CLPB: variants seen among roughly 807,000 people sequenced by gnomAD.
CLPB encodes ClpB family mitochondrial disaggregase.
In CLPB, 40 loss-of-function variants were observed where a neutral mutation model predicts 78.4. The observed-to-expected ratio is 0.51, with a 90% confidence interval of 0.40 to 0.66. The LOEUF is 0.66. Ranked by LOEUF, CLPB falls within the 30% of genes least tolerant of loss-of-function variation. CLPB has a pLI of 0.00. For missense variants in CLPB, 780 were observed against 886.9 expected, an observed-to-expected ratio of 0.88 and a Z score of 1.53; for synonymous variants, 333 against 348.0, an observed-to-expected ratio of 0.96 and a Z score of 0.48.
intron 6 of CLPB, among the ~76,000 whole-genome samples, chr11:72,320,129 T>TA (rs1555090014): frequency 6.6e-6 from 1 of 152,218 alleles, no homozygotes; most frequent in African/African-American, 2.4e-5. Flanking sequence ...CAGTTTTCCT[T>TA]ACGTGATAGA....
chr11:72,368,920 T>C (rs939601591), intron 4 of CLPB, among the ~76,000 whole-genome samples: 2 of 152,166 alleles, frequency 1.3e-5, no homozygotes, highest in Non-Finnish European at 2.9e-5. Context: ...CTCACCTCAT[T>C]ATCACCCCAT....
chr11:72,366,282 T>G (rs186007512), intron 4 of CLPB, among the ~76,000 whole-genome samples: 23 of 152,320 alleles, frequency 1.5e-4, no homozygotes, highest in Admixed American at 1.5e-3. Context: ...TGGTGTGACC[T>G]TGGCTCACTG....
At chr11:72,363,242 A>C (rs1208871773) in intron 4 of CLPB, 1 of 152,394 alleles carries the variant, frequency 6.6e-6, no homozygotes, top group Admixed American at 6.5e-5. Context: ...CACAGTGAGC[A>C]TAAGAATAGA....
At chr11:72,293,993 C>A (rs776447997) in intron 15 of CLPB, 29 bp downstream of exon 15, 15 of 1,581,016 alleles carry the variant, frequency 9.5e-6, no homozygotes, top group Non-Finnish European at 1.1e-5. Context: ...GGTGTGGAGG[C>A]GCCTCATTTC....
chr11:72,365,159 A>C (rs543965111), intron 4 of CLPB, among the ~76,000 whole-genome samples: 1 of 152,270 alleles, frequency 6.6e-6, no homozygotes, highest in African/African-American at 2.4e-5. Flanking sequence ...GTCTCTACTA[A>C]AAAGTACAGA....
intron 3 of CLPB, among the ~76,000 whole-genome samples, chr11:72,388,250 C>CATT (rs1226580335): frequency 2.7e-4 from 37 of 138,100 alleles, no homozygotes; most frequent in African/African-American, 9.9e-4. Context: ...TTCCCTTCCC[C>CATT]TTTTTTTTTT....
At chr11:72,304,779 A>AT (rs1184129901) in intron 9 of CLPB, among the ~76,000 whole-genome samples, 1 of 152,172 alleles carries the variant, frequency 6.6e-6, no homozygotes, top group Non-Finnish European at 1.5e-5. Context: ...GCCAGTGCTC[A>AT]TTTCATTTCG....
chr11:72,408,125 T>C (rs1350736394), intron 2 of CLPB: 1 of 1,535,358 alleles, frequency 6.5e-7, no homozygotes, highest in Admixed American at 2.0e-5. Flanking sequence ...GGAGGAAATC[T>C]TGGTGTTCTT....
chr11:72,335,811 C>T (rs960821834), intron 5 of CLPB, among the ~76,000 whole-genome samples: 2 of 152,214 alleles, frequency 1.3e-5, no homozygotes, highest in Non-Finnish European at 2.9e-5. Flanking sequence ...CGTATTCTCT[C>T]CAGGTGCCAT....
intron 10 of CLPB, 162 bp from the exon 11 acceptor site, chr11:72,302,126 G>T: frequency 1.0e-6 from 1 of 986,316 alleles, no homozygotes; most frequent in Non-Finnish European, 1.5e-6. Context: ...TCTTCTCTAT[G>T]TTTATTCTTC....
chr11:72,417,239 G>A (rs1310298159), intron 2 of CLPB, among the ~76,000 whole-genome samples: 1 of 152,176 alleles, frequency 6.6e-6, no homozygotes, highest in Non-Finnish European at 1.5e-5. Context: ...TCCATACAGG[G>A]AATATTATTC....
At chr11:72,372,931 C>T (rs1388099196) in intron 4 of CLPB, 14 of 1,613,812 alleles carry the variant, frequency 8.7e-6, no homozygotes, top group South Asian at 1.1e-5. Flanking sequence ...TTACCGCCAG[C>T]GGGGAGTCCT....
intron 4 of CLPB, among the ~76,000 whole-genome samples, chr11:72,363,905 C>G (rs1339383570): frequency 6.6e-6 from 1 of 152,170 alleles, no homozygotes; most frequent in East Asian, 1.9e-4. Context: ...TAGGAAGAAG[C>G]CTCTGGCCTC....
At chr11:72,415,165 A>G (rs111314737) in intron 2 of CLPB, among the ~76,000 whole-genome samples, 15,338 of 152,194 alleles carry the variant, frequency 0.1, 1,347 homozygotes, top group African/African-American at 0.23. Context: ...GCAGTAAGCC[A>G]AGATCGCACC....
At chr11:72,342,395 C>T (rs774665931) in intron 5 of CLPB, among the ~76,000 whole-genome samples, 2 of 152,090 alleles carry the variant, frequency 1.3e-5, no homozygotes, top group Non-Finnish European at 2.9e-5. Flanking sequence ...GGTTTTCTAA[C>T]GGTGGATAAT....
chr11:72,336,221 T>A (rs1028320676), intron 5 of CLPB, among the ~76,000 whole-genome samples: 2 of 152,156 alleles, frequency 1.3e-5, no homozygotes, highest in Non-Finnish European at 2.9e-5. Flanking sequence ...ATAATGTGTA[T>A]AAGAGGGCTT....
intron 6 of CLPB, among the ~76,000 whole-genome samples, chr11:72,321,325 G>A (rs561623252): frequency 1.2e-3 from 179 of 152,316 alleles, no homozygotes; most frequent in African/African-American, 4.1e-3. Flanking sequence ...GAGAGCAGGA[G>A]TCGGGGAGTG....
chr11:72,424,419 A>G (rs1234731929), intron 2 of CLPB, among the ~76,000 whole-genome samples: 1 of 152,226 alleles, frequency 6.6e-6, no homozygotes, highest in Non-Finnish European at 1.5e-5. Flanking sequence ...TGTATAGCCA[A>G]ACAATAGCTT....
At chr11:72,329,543 G>T (rs1590802313) in intron 6 of CLPB, among the ~76,000 whole-genome samples, 164 bp downstream of exon 6, 1 of 152,260 alleles carries the variant, frequency 6.6e-6, no homozygotes. Flanking sequence ...TATTTAAACA[G>T]ATAATAATCA....
Sources: allele counts gnomAD v4.1 joint callset (sites outside exome capture counted in the v4.1 genomes callset), GRCh38; gene constraint gnomAD v4.1.1; transcripts MANE v1.5; gene names NCBI Gene and HGNC (gene_info 2026-07-23, HGNC 2026-07-21).